Variants in MALRD1 observed in about 807,000 individuals in gnomAD.
The protein encoded by MALRD1 is MAM and LDL receptor class A domain containing 1.
A neutral mutation model predicts 242.1 loss-of-function variants in MALRD1; 247 were observed. The observed-to-expected ratio is 1.02, with a 90% CI of 0.92 to 1.13. The LOEUF (loss-of-function observed/expected upper bound fraction) is 1.13, where lower values mean the gene tolerates loss of function less well. MALRD1 is among the 50% of genes most tolerant of loss of function. MALRD1 has a pLI of 0.00. For synonymous variants in MALRD1, 995 were observed against 866.6 expected (o/e 1.15, Z -2.60); for missense variants, 2,989 against 2,533.1 (o/e 1.18, Z -3.86).
intron 28 of MALRD1, among the ~76,000 whole-genome samples, chr10:19,425,709 G>A (rs747004307): frequency 6.6e-6 from 1 of 152,130 alleles, no homozygotes; most frequent in Admixed American, 6.5e-5. Flanking sequence ...AGAGGGAAAA[G>A]AATTCCAGCC....
At chr10:19,630,629 A>G (rs1006760170) in intron 36 of MALRD1, among the ~76,000 whole-genome samples, 5 of 152,132 alleles carry the variant, frequency 3.3e-5, no homozygotes, top group Non-Finnish European at 5.9e-5. Flanking sequence ...TAAAAATGAT[A>G]TTATAAGAAT....
intron 21 of MALRD1, among the ~76,000 whole-genome samples, chr10:19,315,604 T>TATAATTTA (rs1443586887): frequency 1.3e-5 from 1 of 76,716 alleles, no homozygotes; most frequent in East Asian, 3.3e-4. Context: ...TTTATATAAA[T>TATAATTTA]TATAAATATT....
At chr10:19,157,769 T>A (rs1056107328) in intron 12 of MALRD1, among the ~76,000 whole-genome samples, 1 of 150,912 alleles carries the variant, frequency 6.6e-6, no homozygotes, top group South Asian at 2.1e-4. Flanking sequence ...AATTATATGG[T>A]TTTTTTTTCC....
At chr10:19,263,766 G>T (rs991893929) in intron 19 of MALRD1, among the ~76,000 whole-genome samples, 1 of 151,846 alleles carries the variant, frequency 6.6e-6, no homozygotes. Flanking sequence ...TTATTTCTGT[G>T]CTTTCTATTA....
At chr10:19,292,080 C>CAAA (rs756211363) in intron 21 of MALRD1, among the ~76,000 whole-genome samples, 11,308 of 87,854 alleles carry the variant, frequency 0.13, 693 homozygotes, top group South Asian at 0.25. Context: ...AAGACCGTCT[C>CAAA]AAAAAAAAAA....
chr10:19,689,694 G>A lies in MALRD1; in HGVS notation c.6138-2588G>A, dbSNP rs933053758. Among the ~76,000 whole-genome samples the A allele has an allele frequency of 6.6e-5, 10 of 152,012 alleles. No homozygotes were observed. In the South Asian group the frequency reaches 1.2e-3, roughly 19 times the overall value. On this transcript the variant is annotated intron_variant, in intron 36 of 39. Transcript: ENST00000454679. ...TATTTTGGTTTTGCTTTGGCTTAAC[G>A]TTTTTGGTTTCTTCTCAAAGTTATC...
At chr10:19,358,775 A>G (rs1435060885) in intron 26 of MALRD1, among the ~76,000 whole-genome samples, 3 of 152,164 alleles carry the variant, frequency 2.0e-5, no homozygotes, top group South Asian at 2.1e-4. Flanking sequence ...TATTCCTGCT[A>G]AGGAGACTAT....
At chr10:19,123,432 T>C (rs1564406236) in intron 5 of MALRD1, 60 bp from the exon 6 acceptor site, 8 of 991,210 alleles carry the variant, frequency 8.1e-6, no homozygotes, top group South Asian at 1.0e-4. Flanking sequence ...TAAAGCAAAA[T>C]ACTTGAGTCT....
chr10:19,447,619 G>A (rs956747043), intron 28 of MALRD1, among the ~76,000 whole-genome samples: 1 of 152,172 alleles, frequency 6.6e-6, no homozygotes, highest in African/African-American at 2.4e-5. Context: ...TACCTAATGA[G>A]TGGCTTTATA....
At chr10:19,185,216 G>A (rs918567368) in intron 14 of MALRD1, among the ~76,000 whole-genome samples, 21 of 152,250 alleles carry the variant, frequency 1.4e-4, no homozygotes, top group Non-Finnish European at 1.0e-4. Flanking sequence ...TGTACTGGCT[G>A]TGCTATGTAA....
At chr10:19,518,441 A>G (rs1008836058) in intron 31 of MALRD1, among the ~76,000 whole-genome samples, 4 of 152,202 alleles carry the variant, frequency 2.6e-5, no homozygotes, top group African/African-American at 9.6e-5. Flanking sequence ...TTTATCTTTT[A>G]TGATTTTCTT....
At chr10:19,388,879 CTGAAAA>C (rs1398503694) in intron 27 of MALRD1, among the ~76,000 whole-genome samples, 28 of 29,118 alleles carry the variant, frequency 9.6e-4, no homozygotes, top group Admixed American at 1.9e-3. Flanking sequence ...CATAGGTCTA[CTGAAAA>C]AAAAAAAAAA....
intron 14 of MALRD1, among the ~76,000 whole-genome samples, chr10:19,198,949 C>G (rs1289478293): frequency 1.3e-5 from 2 of 152,120 alleles, no homozygotes; most frequent in Non-Finnish European, 2.9e-5. Context: ...ACTTCAAACA[C>G]ATAACCATTA....
At chr10:19,659,361 A>T (rs1327288743) in intron 36 of MALRD1, among the ~76,000 whole-genome samples, 1 of 152,204 alleles carries the variant, frequency 6.6e-6, no homozygotes, top group Non-Finnish European at 1.5e-5. Flanking sequence ...TGTATTTCAC[A>T]AATAAGCAAA....
At chr10:19,110,658 A>G (rs938235693) in intron 5 of MALRD1, among the ~76,000 whole-genome samples, 8 of 152,330 alleles carry the variant, frequency 5.3e-5, no homozygotes, top group Non-Finnish European at 1.2e-4. Context: ...ATCTTCTCTA[A>G]TACCCCCTCT....
In MALRD1 at chr10:19,223,741, C is replaced by T. The variant is rs1308235288; in HGVS notation, c.2991+14061C>T. 1.3e-5 allele frequency among the ~76,000 whole-genome samples: 2 copies of T among 152,098 alleles called. 1 individual carries two copies. Among genetic ancestry groups the T allele is most frequent in the African/African-American group, 4.8e-5 (2 of 41,418 alleles). ...AGGCCCCAGTGTGTGATGTTCCCCTCCCTGTGTCTATGTGTTCTCATTGTT... is the reference window on the plus strand; with the variant it reads ...AGGCCCCAGTGTGTGATGTTCCCCTTCCTGTGTCTATGTGTTCTCATTGTT... On this transcript the variant is annotated intron_variant, in intron 18 of 39. Transcript: ENST00000454679.
rs576968805 is a variant in MALRD1, at chr10:19,718,664, T to A, written c.6315-12042T>A. Among the ~76,000 whole-genome samples, 6 of 152,222 alleles carry A rather than the reference T, an allele frequency of 3.9e-5. No homozygotes were observed. The South Asian group carries it at 1.2e-3, about 32-fold the overall frequency. On this transcript the variant is annotated intron_variant, in intron 38 of 39. Transcript: ENST00000454679. ...ATCACAGCCCTGTACCACTAAACAT[T>A]CTTTAAAGCATGACTTGAAAAGGTT... is the stretch of plus-strand genomic sequence containing the variant.
intron 36 of MALRD1, among the ~76,000 whole-genome samples, chr10:19,658,046 G>C (rs1032558669): frequency 1.3e-5 from 2 of 152,150 alleles, no homozygotes; most frequent in Admixed American, 1.3e-4. Context: ...TACTCAGGAG[G>C]TTGAGGCAGG....
chr10:19,283,666 A>T (rs1361562710), intron 21 of MALRD1, among the ~76,000 whole-genome samples: 1 of 152,104 alleles, frequency 6.6e-6, no homozygotes, highest in East Asian at 1.9e-4. Flanking sequence ...CAGATTTTCA[A>T]CATAGGTGAA....
Sources: gnomAD v4.1 joint callset for allele counts (sites outside exome capture counted in the v4.1 genomes callset) on GRCh38, gnomAD v4.1.1 for gene constraint, MANE v1.5 for transcripts, NCBI Gene and HGNC (gene_info 2026-07-23, HGNC 2026-07-21) for gene names.